Variants in COL15A1 observed in about 807,000 individuals in gnomAD.
The protein encoded by COL15A1 is collagen type XV alpha 1 chain, also known as collagen alpha-1(XV) chain.
Under a neutral mutation model 165.9 loss-of-function variants are expected in COL15A1, and 111 were observed. The observed-to-expected ratio is 0.67, with a 90% CI of 0.57 to 0.78. COL15A1 has a LOEUF of 0.78. Among genes scored for constraint, COL15A1 ranks in the 30% least tolerant of loss-of-function variants. COL15A1 has a pLI of 0.00. For synonymous variants in COL15A1, 659 were observed against 674.8 expected (o/e 0.98, Z 0.36); for missense variants, 1,745 against 1,789.7 (o/e 0.98, Z 0.45).
chr9:99,036,637 G>T (rs900786245), intron 21 of COL15A1, among the ~76,000 whole-genome samples: 1 of 152,226 alleles, frequency 6.6e-6, no homozygotes, highest in African/African-American at 2.4e-5. Flanking sequence ...GAAAAAACAG[G>T]CTAGGAGCAT....
chr9:99,056,269 G>C lies in COL15A1; in HGVS notation c.3202G>C (p.Gly1068Arg), dbSNP rs752239922. 1 of 1,614,168 alleles carries C rather than the reference G, an allele frequency of 6.2e-7. No individual in the cohort carries two copies. The highest frequency in any genetic ancestry group is 1.7e-5 in the Admixed American group (1 of 60,028). The stretch of plus-strand genomic sequence containing the variant: ...GTGCTTGCCTTGACAGGGCCAAAAA[G>C]GGGAGACAGTCGTTGGGCCCCAAGG... Reference protein sequence around the residue: ...PGNPGPAGQKGETVVGPQGPP... With the variant: ...PGNPGPAGQKRETVVGPQGPP... Residue 1068 changes from glycine to arginine, a missense_variant, in exon 35 of 42, where the codon GGG (glycine) becomes CGG (arginine). By Grantham distance (125) the Gly-to-Arg change is moderately radical (BLOSUM62 -2). Coordinates refer to ENST00000375001, the MANE Select transcript of COL15A1 (RefSeq NM_001855.5).
intron 28 of COL15A1, among the ~76,000 whole-genome samples, chr9:99,049,250 A>G (rs1839544163): frequency 6.6e-6 from 1 of 152,156 alleles, no homozygotes; most frequent in Admixed American, 6.5e-5. Context: ...TTATGCTTGC[A>G]TTTCTGAGAC....
chr9:98,971,432 G>A (rs1418470132), intron 2 of COL15A1, among the ~76,000 whole-genome samples: 1 of 152,108 alleles, frequency 6.6e-6, no homozygotes, highest in Non-Finnish European at 1.5e-5. Flanking sequence ...CACTCAAAGA[G>A]TCTTTGTTCC....
intron 6 of COL15A1, among the ~76,000 whole-genome samples, chr9:99,000,016 A>G (rs73503714): frequency 0.025 from 3,766 of 152,170 alleles, 154 homozygotes; most frequent in African/African-American, 0.085. Flanking sequence ...GGTTACAGGC[A>G]TGTGGAATCA....
intron 2 of COL15A1, 118 bp downstream of exon 2, chr9:98,944,368 G>A (rs1301052113): frequency 3.9e-6 from 4 of 1,024,590 alleles, no homozygotes; most frequent in Non-Finnish European, 5.8e-6. Context: ...AGGGAGTCTT[G>A]CCACTCAGTG....
chr9:99,034,881 A>G, intron 17 of COL15A1, 133 bp from the exon 18 acceptor site: 1 of 912,064 alleles, frequency 1.1e-6, no homozygotes, highest in Non-Finnish European at 1.7e-6. Context: ...TTTCTGTACC[A>G]TTAAGTGGTA....
At chr9:98,944,690 T>G (rs1382462791) in intron 2 of COL15A1, among the ~76,000 whole-genome samples, 3 of 152,254 alleles carry the variant, frequency 2.0e-5, no homozygotes, top group Non-Finnish European at 4.4e-5. Flanking sequence ...CTGGGGCTTT[T>G]GCTGCTCAAG....
intron 23 of COL15A1, 163 bp downstream of exon 23, chr9:99,040,719 A>C: frequency 7.6e-7 from 1 of 1,309,366 alleles, no homozygotes; most frequent in Non-Finnish European, 1.1e-6. Flanking sequence ...GGGTTTTGCC[A>C]TGTTGCCCAG....
intron 22 of COL15A1, among the ~76,000 whole-genome samples, chr9:99,038,964 A>G (rs1839353425): frequency 6.6e-6 from 1 of 152,228 alleles, no homozygotes; most frequent in African/African-American, 2.4e-5. Flanking sequence ...CACCGGCAAT[A>G]TGTGTCATGG....
chr9:99,022,897 A>G (rs1161188142), intron 13 of COL15A1, among the ~76,000 whole-genome samples: 3 of 152,204 alleles, frequency 2.0e-5, no homozygotes, highest in Admixed American at 2.0e-4. Flanking sequence ...CTGGGCACCC[A>G]GTGTGTCTCA....
At chr9:99,039,373 G>A (rs1465335268) in intron 22 of COL15A1, among the ~76,000 whole-genome samples, 1 of 152,156 alleles carries the variant, frequency 6.6e-6, no homozygotes, top group Admixed American at 6.5e-5. Flanking sequence ...GCTGGGCATG[G>A]TGGCATGTGC....
chr9:98,998,721 G>A (rs571375039), intron 6 of COL15A1, among the ~76,000 whole-genome samples: 1 of 152,330 alleles, frequency 6.6e-6, no homozygotes, highest in Admixed American at 6.5e-5. Context: ...TGGGGCGAGG[G>A]CTTTCCTAGA....
chr9:98,982,888 C>T (rs1043309006), intron 2 of COL15A1, among the ~76,000 whole-genome samples: 3 of 152,166 alleles, frequency 2.0e-5, no homozygotes, highest in African/African-American at 7.2e-5. Context: ...CACTCCTTGG[C>T]CTCCCAAAGT....
Position 98,996,881 on chromosome 9 carries a change from T to C in COL15A1, c.805-53T>C, listed in dbSNP as rs1838554088. 4.4e-6 allele frequency: 7 copies of C among 1,602,582 alleles called. No homozygotes were observed. The South Asian group carries it at 5.5e-5, about 13-fold the overall frequency. ...CTTCAGTGATATTCTCTGTCATTTC[T>C]TCTGCTTTACTGCCAAGTAAATCAT... On this transcript the variant is annotated intron_variant, in intron 5 of 41. Transcript: ENST00000375001.
At chr9:98,980,199 T>G (rs1838214002) in intron 2 of COL15A1, among the ~76,000 whole-genome samples, 1 of 151,782 alleles carries the variant, frequency 6.6e-6, no homozygotes, top group African/African-American at 2.4e-5. Context: ...TATGTACACA[T>G]TCATTCATTT....
At chr9:99,027,890 A>C (rs1240594135) in intron 16 of COL15A1, among the ~76,000 whole-genome samples, 1 of 152,202 alleles carries the variant, frequency 6.6e-6, no homozygotes, top group Non-Finnish European at 1.5e-5. Context: ...GTCCCTAATA[A>C]ACCAAGGTGC....
chr9:98,949,891 C>T (rs1228222438), intron 2 of COL15A1, among the ~76,000 whole-genome samples: 1 of 152,186 alleles, frequency 6.6e-6, no homozygotes, highest in Non-Finnish European at 1.5e-5. Context: ...CTTTCTGCCT[C>T]TATGGACTTG....
chr9:99,033,258 C>T (rs1017717253), intron 16 of COL15A1, among the ~76,000 whole-genome samples: 5 of 152,206 alleles, frequency 3.3e-5, no homozygotes, highest in African/African-American at 7.2e-5. Context: ...GCTGATCTTC[C>T]GCGTGTAGGG....
intron 35 of COL15A1, among the ~76,000 whole-genome samples, chr9:99,057,314 A>G (rs1825736003): frequency 6.6e-6 from 1 of 152,182 alleles, no homozygotes; most frequent in South Asian, 2.1e-4. Context: ...GATGTTGAGC[A>G]TCTTTTCACA....
Sources: gnomAD v4.1 joint callset for allele counts (sites outside exome capture counted in the v4.1 genomes callset) on GRCh38, gnomAD v4.1.1 for gene constraint, MANE v1.5 for transcripts, NCBI Gene and HGNC (gene_info 2026-07-23, HGNC 2026-07-21) for gene names.